The following RFTN1 variants were observed in gnomAD, a reference collection of about 807,000 sequenced individuals.
RFTN1 encodes the protein raftlin, lipid raft linker 1.
A neutral mutation model predicts 46.5 loss-of-function variants in RFTN1; 26 were observed. The ratio of observed to expected loss-of-function variants is 0.56; its 90% CI spans 0.41 to 0.78. The LOEUF (loss-of-function observed/expected upper bound fraction) is 0.78. Ranked by LOEUF, RFTN1 falls within the 30% of genes least tolerant of loss-of-function variation. The probability of loss-of-function intolerance (pLI) is 0.00; values close to 1 mark genes in which losing one functional copy is unlikely to be tolerated. For synonymous variants in RFTN1, 261 were observed against 284.2 expected, an observed-to-expected ratio of 0.92 and a Z score of 0.82; for missense variants, 693 against 718.7, an observed-to-expected ratio of 0.96 and a Z score of 0.41.
rs112653788 is a variant in RFTN1 at position 16,382,774 on chromosome 3, C to T, written c.442-4672G>A. Among the ~76,000 whole-genome samples, 2 of 152,300 alleles carry T rather than the reference C, an allele frequency of 1.3e-5. No homozygotes were observed. Among genetic ancestry groups the T allele is most frequent in the African/African-American group, 4.8e-5 (2 of 41,548 alleles). ...CCCAGTGTTTCTGGAATTACTTCCTCCTTCTCCATAAAGTGACCATCCAAG... is the reference window on the plus strand; with the variant it reads ...CCCAGTGTTTCTGGAATTACTTCCTTCTTCTCCATAAAGTGACCATCCAAG... On this transcript the variant is annotated intron_variant, in intron 4 of 9. Coordinates refer to ENST00000334133, the MANE Select transcript of RFTN1 (RefSeq NM_015150.2). The surrounding 1 kb of genome is among the most constrained non-coding windows in gnomAD (Gnocchi z 4.7).
chr3:16,487,507 G>A (rs1170905189), intron 2 of RFTN1, among the ~76,000 whole-genome samples: 2 of 152,228 alleles, frequency 1.3e-5, no homozygotes, highest in Non-Finnish European at 2.9e-5. Flanking sequence ...CTGAGCACTT[G>A]AAATGTGGCT....
chr3:16,369,388 T>A (rs73041416), intron 6 of RFTN1, among the ~76,000 whole-genome samples: 23,381 of 152,288 alleles, frequency 0.15, 2,507 homozygotes, highest in African/African-American at 0.28. Flanking sequence ...TGCTGGCACG[T>A]TGGTCCCACT....
In RFTN1 at chr3:16,507,593, T is replaced by C. The variant is rs572695134; in HGVS notation, c.-9+5849A>G. ...AAAGGGTAAAAGGCAAAGTAGGGAG[T>C]TTCAAAACACACACACACACACACA... On this transcript the variant is annotated intron_variant, in intron 1 of 9. Transcript: ENST00000334133. The surrounding 1 kb of genome is among the most constrained non-coding windows in gnomAD (Gnocchi z 7.1). Among the ~76,000 whole-genome samples the C allele has an allele frequency of 9.1e-4, 117 of 128,842 alleles. No individual in the cohort carries two copies. Among genetic ancestry groups the C allele is most frequent in the Non-Finnish European group, 1.4e-3 (92 of 63,482 alleles). The allele number at this position is 128,842 out of a possible 152,430, so 84.5% of individuals were successfully genotyped here. A position where few individuals can be genotyped will look rare whatever the true frequency, so the allele number is the denominator to read the frequency against.
At position 16,468,827 on chromosome 3, in the gene RFTN1, C is replaced by CA. The variant is rs952024304; in HGVS notation, c.145+24897dup. On this transcript the variant is annotated intron_variant, in intron 2 of 9. Transcript: ENST00000334133. The surrounding 1 kb of genome is among the most constrained non-coding windows in gnomAD (Gnocchi z 4.4). Reference sequence around the variant, plus strand: ...AGCAATTAAATCTTTATAACTGAGACAAAAAAAATGCCACATAATTAGACA... The same window carrying CA: ...AGCAATTAAATCTTTATAACTGAGACAAAAAAAAATGCCACATAATTAGACA... Among the ~76,000 whole-genome samples the CA allele has an allele frequency of 1.1e-4, 16 of 151,862 alleles. No homozygotes were observed. The highest frequency in any genetic ancestry group is 5.8e-4 in the East Asian group (3 of 5,188).
rs1225505374 is a variant in RFTN1, at chr3:16,400,933, C to T, written c.441+8442G>A. ...CATCAAAGGAGGGGATGCCCATTACCTTGTGCCCCTCCCACCTCGCCCTGC... is the reference window on the plus strand; with the variant it reads ...CATCAAAGGAGGGGATGCCCATTACTTTGTGCCCCTCCCACCTCGCCCTGC... On this transcript the variant is annotated intron_variant, in intron 4 of 9. Coordinates refer to ENST00000334133, the MANE Select transcript of RFTN1 (RefSeq NM_015150.2). This position sits in a 1 kb window ranked among gnomAD's most constrained non-coding sequence, Gnocchi z 4.5. Among the ~76,000 whole-genome samples the T allele has an allele frequency of 6.6e-6, 1 of 152,080 alleles. No individual in the cohort carries two copies. The highest frequency in any genetic ancestry group is 1.5e-5 in the Non-Finnish European group (1 of 67,988).
chr3:16,320,188 G>T lies in RFTN1; in HGVS notation c.1333-2956C>A, dbSNP rs1244216735. On this transcript the variant is annotated intron_variant, in intron 9 of 9. Coordinates refer to ENST00000334133, the MANE Select transcript of RFTN1 (RefSeq NM_015150.2). The surrounding 1 kb of genome is among the most constrained non-coding windows in gnomAD (Gnocchi z 4.5). ...CCACTTCAAGTAGTTTAGCTGGAAG[G>T]AAGTCTTCCCGAGTTGTAGAAATCA... Among the ~76,000 whole-genome samples the T allele has an allele frequency of 6.6e-6, 1 of 152,238 alleles. No homozygotes were observed. Among genetic ancestry groups the T allele is most frequent in the Non-Finnish European group, 1.5e-5 (1 of 68,052 alleles).
rs1358538325 is a variant in RFTN1 at position 16,459,931 on chromosome 3, A to G, written c.146-25894T>C. On this transcript the variant is annotated intron_variant, in intron 2 of 9. Transcript: ENST00000334133. The surrounding 1 kb of genome is among the most constrained non-coding windows in gnomAD (Gnocchi z 4.2). ...CAAACTAAACTGGAAAACTAAGAAAATTAAATGTGATTTTTTTCTTCTCAG... is the reference window on the plus strand; with the variant it reads ...CAAACTAAACTGGAAAACTAAGAAAGTTAAATGTGATTTTTTTCTTCTCAG... Among the ~76,000 whole-genome samples the G allele has an allele frequency of 6.6e-6, 1 of 152,228 alleles. No homozygotes were observed. The highest frequency in any genetic ancestry group is 2.4e-5 in the African/African-American group (1 of 41,468).
rs2074142709 is a variant in RFTN1 at position 16,385,584 on chromosome 3, G to A, written c.442-7482C>T. Among the ~76,000 whole-genome samples, 1 of 152,168 alleles carries A rather than the reference G, an allele frequency of 6.6e-6. No individual in the cohort carries two copies. On this transcript the variant is annotated intron_variant, in intron 4 of 9. Transcript: ENST00000334133. The surrounding 1 kb of genome is among the most constrained non-coding windows in gnomAD (Gnocchi z 5.0). ...GCCTCAGTTTCTTAATCTATAAAAT[G>A]AAGATACTAATATTCATTTATTCAT...
At position 16,446,128 on chromosome 3, in the gene RFTN1, A is replaced by G. The variant is rs2075724959; in HGVS notation, c.146-12091T>C. Among the ~76,000 whole-genome samples the G allele has an allele frequency of 6.6e-6, 1 of 152,094 alleles. No homozygotes were observed. Among genetic ancestry groups the G allele is most frequent in the Non-Finnish European group, 1.5e-5 (1 of 68,022 alleles). ...CACTCTCTCCGTCAAAGAAAGTCCA[A>G]TGCAAACTGCTACCTGCAGTCACTC... is the stretch of plus-strand genomic sequence containing the variant. On this transcript the variant is annotated intron_variant, in intron 2 of 9. Transcript: ENST00000334133. This position sits in a 1 kb window ranked among gnomAD's most constrained non-coding sequence, Gnocchi z 4.5.
In RFTN1 at chr3:16,370,245, C is replaced by T. The variant is rs139647602; in HGVS notation, c.861G>A (p.Lys287=). Residue 287 remains lysine, a synonymous_variant, in exon 6 of 10, where the codon AAG becomes AAA. Transcript: ENST00000334133. This position sits in a 1 kb window ranked among gnomAD's most constrained non-coding sequence, Gnocchi z 5.5. ...AGTATTGCCGGCACTTCTGATGGCTCTTCGGTTTGTTGAAAAGGGTGAAGA... is the reference window on the plus strand; with the variant it reads ...AGTATTGCCGGCACTTCTGATGGCTTTTCGGTTTGTTGAAAAGGGTGAAGA... ...MEIFTLFNKP[K]SHQKCRQYYP... 111 of 1,614,020 alleles carry T rather than the reference C, an allele frequency of 6.9e-5. No homozygotes were observed. Among genetic ancestry groups the T allele is most frequent in the Middle Eastern group, 6.6e-4 (4 of 6,084 alleles).
At chr3:16,414,578 TGAGCAACAGAG>T in intron 3 of RFTN1, among the ~76,000 whole-genome samples, 2 of 145,458 alleles carry the variant, frequency 1.4e-5, no homozygotes, top group Non-Finnish European at 3.0e-5. Flanking sequence ...CACTCCAGCC[TGAGCAACAGAG>T]TGAGACTTCA....
rs1239457611 is a variant in RFTN1, at chr3:16,458,720, A to C, written c.146-24683T>G. Among the ~76,000 whole-genome samples, 2 of 152,336 alleles carry C rather than the reference A, an allele frequency of 1.3e-5. No homozygotes were observed. Among genetic ancestry groups the C allele is most frequent in the African/African-American group, 4.8e-5 (2 of 41,578 alleles). Reference sequence around the variant, plus strand: ...TCCACAAAACAGCAAGAAGCCAAATAATTCTCAAAACCATAATGCTTTCCA... The same window carrying C: ...TCCACAAAACAGCAAGAAGCCAAATCATTCTCAAAACCATAATGCTTTCCA... On this transcript the variant is annotated intron_variant, in intron 2 of 9. Transcript: ENST00000334133. The surrounding 1 kb of genome is among the most constrained non-coding windows in gnomAD (Gnocchi z 5.1).
chr3:16,487,979 A>G (rs1359564692), intron 2 of RFTN1, among the ~76,000 whole-genome samples: 1 of 152,202 alleles, frequency 6.6e-6, no homozygotes, highest in African/African-American at 2.4e-5. Context: ...CTTCACTGTA[A>G]GATTCCTGCT....
intron 4 of RFTN1, among the ~76,000 whole-genome samples, chr3:16,393,449 A>G (rs1175620483): frequency 6.6e-6 from 1 of 152,178 alleles, no homozygotes; most frequent in African/African-American, 2.4e-5. Flanking sequence ...TACAGCCTGG[A>G]TATAACCTAG....
rs1017929259 is a variant in RFTN1 at position 16,499,635 on chromosome 3, GC to G, written c.-8-5759del. Among the ~76,000 whole-genome samples the G allele has an allele frequency of 2.0e-5, 3 of 152,222 alleles. No individual in the cohort carries two copies. Among genetic ancestry groups the G allele is most frequent in the Admixed American group, 6.5e-5 (1 of 15,282 alleles). On this transcript the variant is annotated intron_variant, in intron 1 of 9. Coordinates refer to ENST00000334133, the MANE Select transcript of RFTN1 (RefSeq NM_015150.2). The surrounding 1 kb of genome is among the most constrained non-coding windows in gnomAD (Gnocchi z 4.9). ...AAATAAGCTACTGTTGTTGTTTTAA[GC>G]TTCTAAGTTTTGGAGTGGTTCATTT...
intron 2 of RFTN1, among the ~76,000 whole-genome samples, chr3:16,456,756 A>G (rs1418846518): frequency 6.6e-6 from 1 of 152,220 alleles, no homozygotes; most frequent in Non-Finnish European, 1.5e-5. Context: ...GTGTAGCCAC[A>G]GGAAAACTCC....
At chr3:16,323,812 A>G (rs2069359978) in intron 8 of RFTN1, among the ~76,000 whole-genome samples, 1 of 152,162 alleles carries the variant, frequency 6.6e-6, no homozygotes, top group Non-Finnish European at 1.5e-5. Flanking sequence ...TCTGGTAATG[A>G]TGGGCAGGTA....
rs1484793966 is a variant in RFTN1, at chr3:16,480,511, AAAG to A, written c.145+13211_145+13213del. Among the ~76,000 whole-genome samples, 5 of 152,352 alleles carry A rather than the reference AAAG, an allele frequency of 3.3e-5. No homozygotes were observed. Among genetic ancestry groups the A allele is most frequent in the African/African-American group, 1.2e-4 (5 of 41,580 alleles). ...TTATCAGGAGCCCTGACCTGTAAACAAAGAAGAGTATGCCTGAAACACAGAACT... is the reference window on the plus strand; with the variant it reads ...TTATCAGGAGCCCTGACCTGTAAACAAAGAGTATGCCTGAAACACAGAACT... On this transcript the variant is annotated intron_variant, in intron 2 of 9. Transcript: ENST00000334133. The surrounding 1 kb of genome is among the most constrained non-coding windows in gnomAD (Gnocchi z 4.3).
chr3:16,377,644 A>C, intron 5 of RFTN1, 74 bp downstream of exon 5: 2 of 1,511,568 alleles, frequency 1.3e-6, no homozygotes, highest in Non-Finnish European at 1.8e-6. Context: ...TTTCTCTGAG[A>C]TACCATGGGG....
Sources: allele counts gnomAD v4.1 joint callset (sites outside exome capture counted in the v4.1 genomes callset), GRCh38; gene constraint gnomAD v4.1.1; non-coding constraint Gnocchi (gnomAD v3.1); transcripts MANE v1.5; gene names NCBI Gene and HGNC (gene_info 2026-07-23, HGNC 2026-07-21).